The following PHTF2 variants were observed in gnomAD, a reference collection of about 807,000 sequenced individuals.
PHTF2 encodes the protein putative homeodomain transcription factor 2, also known as protein PHTF2.
A neutral mutation model predicts 101.2 loss-of-function variants in PHTF2; 60 were observed. The ratio of observed to expected loss-of-function variants is 0.59; its 90% CI spans 0.48 to 0.73. PHTF2 has a LOEUF of 0.73. Among genes scored for constraint, PHTF2 ranks in the 30% least tolerant of loss-of-function variants. PHTF2 has a pLI of 0.00. For synonymous variants in PHTF2, 311 were observed against 307.3 expected (o/e 1.01, Z -0.13); for missense variants, 747 against 908.7 (o/e 0.82, Z 2.29).
In PHTF2 at chr7:77,929,064, A is replaced by G. The variant is rs1356435908; in HGVS notation, c.1120-45A>G. 3 of 1,396,756 alleles carry G rather than the reference A, an allele frequency of 2.1e-6. No homozygotes were observed. The East Asian group carries it at 6.9e-5, about 32-fold the overall frequency. The allele number at this position is 1,396,756 out of a possible 1,614,324, so 86.5% of individuals were successfully genotyped here. ...TCTGATAGTATCCTTTGAGTTGGAA[A>G]GAGTACATAAATTGTATTAATGTCA... On this transcript the variant is annotated intron_variant, in intron 11 of 19. Transcript: ENST00000416283.
chr7:77,803,627 C>G (rs191396419), intron 1 of PHTF2, among the ~76,000 whole-genome samples: 1 of 151,406 alleles, frequency 6.6e-6, no homozygotes, highest in African/African-American at 2.4e-5. Flanking sequence ...TTGACATATT[C>G]TTGATTTCTA....
chr7:77,954,971 G>A (rs768377689), exon 20 of PHTF2: 7 of 635,016 alleles, frequency 1.1e-5, no homozygotes, highest in Admixed American at 2.9e-5. Flanking sequence ...TGCTTCAGGA[G>A]TCTCAGCTAG....
intron 3 of PHTF2, among the ~76,000 whole-genome samples, chr7:77,891,759 T>A (rs555034760): frequency 2.6e-5 from 4 of 152,132 alleles, no homozygotes; most frequent in South Asian, 2.1e-4. Context: ...GCTAATTTTT[T>A]AATTTTTTGT....
intron 7 of PHTF2, among the ~76,000 whole-genome samples, chr7:77,902,438 C>G (rs1801484846): frequency 6.6e-6 from 1 of 152,110 alleles, no homozygotes; most frequent in Non-Finnish European, 1.5e-5. Flanking sequence ...AGACGTGGGA[C>G]CTGAAAGACC....
intron 1 of PHTF2, among the ~76,000 whole-genome samples, chr7:77,812,654 A>G (rs1304148670): frequency 1.3e-5 from 2 of 151,888 alleles, no homozygotes; most frequent in Admixed American, 6.6e-5. Context: ...CAGTGGCACA[A>G]TCTTGGCTCA....
At chr7:77,932,621 A>AGAGAGTGTGTGTGTGTGTGTGTGT (rs759880633) in intron 12 of PHTF2, among the ~76,000 whole-genome samples, 2 of 118,476 alleles carry the variant, frequency 1.7e-5, no homozygotes, top group Admixed American at 8.6e-5. Flanking sequence ...AGAGAGAGAG[A>AGAGAGTGTGTGTGTGTGTGTGTGT]GTGTGTGTGT....
chr7:77,926,986 C>T (rs1291935833), intron 11 of PHTF2, among the ~76,000 whole-genome samples: 1 of 151,328 alleles, frequency 6.6e-6, no homozygotes, highest in Non-Finnish European at 1.5e-5. Flanking sequence ...GATAAAACCC[C>T]ATCTCTACTG....
chr7:77,916,063 T>C (rs199581891), intron 9 of PHTF2, among the ~76,000 whole-genome samples: 1 of 152,018 alleles, frequency 6.6e-6, no homozygotes, highest in East Asian at 1.9e-4. Context: ...ATTCCTAATA[T>C]CAGCTTCTTT....
chr7:77,834,181 GTACA>G (rs1795272303), intron 1 of PHTF2, among the ~76,000 whole-genome samples: 1 of 151,938 alleles, frequency 6.6e-6, no homozygotes, highest in Non-Finnish European at 1.5e-5. Flanking sequence ...AGGCATCATG[GTACA>G]TGCCTATAGT....
chr7:77,868,488 C>A (rs1798258991), intron 3 of PHTF2, among the ~76,000 whole-genome samples: 1 of 151,874 alleles, frequency 6.6e-6, no homozygotes, highest in African/African-American at 2.4e-5. Context: ...CTTTTTATTA[C>A]AATCATGAAT....
chr7:77,945,458 T>A (rs1805969990), intron 16 of PHTF2, among the ~76,000 whole-genome samples: 1 of 148,842 alleles, frequency 6.7e-6, no homozygotes, highest in South Asian at 2.1e-4. Flanking sequence ...TATAAAACTT[T>A]CCCATGTATT....
chr7:77,834,511 G>C (rs1047375634), intron 1 of PHTF2, among the ~76,000 whole-genome samples: 1 of 152,094 alleles, frequency 6.6e-6, no homozygotes, highest in African/African-American at 2.4e-5. Context: ...TTGCCCCCAG[G>C]CTTGGGTGTA....
chr7:77,864,225 TC>T (rs1322384247), intron 3 of PHTF2, among the ~76,000 whole-genome samples: 1 of 152,246 alleles, frequency 6.6e-6, no homozygotes, highest in Non-Finnish European at 1.5e-5. Context: ...GTAAATTTTT[TC>T]CTCTAGTCAC....
intron 2 of PHTF2, among the ~76,000 whole-genome samples, chr7:77,850,791 A>G (rs1384197822): frequency 1.3e-5 from 2 of 152,146 alleles, no homozygotes; most frequent in African/African-American, 2.4e-5. Context: ...GATACCAGCA[A>G]TGCATCCATC....
rs549035375 is a variant in PHTF2 at position 77,877,457 on chromosome 7, G to T, written c.148-16151G>T. Among the ~76,000 whole-genome samples the T allele has an allele frequency of 6.6e-5, 10 of 152,242 alleles. No individual in the cohort carries two copies. In the South Asian group the frequency reaches 1.2e-3, roughly 19 times the overall value. ...GGGTCTTCACAGTTCATCATCCAAG[G>T]TTAGGTTAAGTAGAAAAGCAGAAGT... On this transcript the variant is annotated intron_variant, in intron 3 of 19. Transcript: ENST00000416283.
intron 3 of PHTF2, among the ~76,000 whole-genome samples, chr7:77,889,498 G>A (rs963209469): frequency 1.3e-5 from 2 of 150,984 alleles, no homozygotes; most frequent in African/African-American, 2.4e-5. Flanking sequence ...GTTAACCAGC[G>A]TCCTCACAAA....
chr7:77,806,289 T>G (rs1407125942), intron 1 of PHTF2, among the ~76,000 whole-genome samples: 1 of 152,246 alleles, frequency 6.6e-6, no homozygotes, highest in Non-Finnish European at 1.5e-5. Context: ...AAATGTGGAC[T>G]TGCTGATTTC....
chr7:77,912,477 A>C (rs1275262654), intron 9 of PHTF2, among the ~76,000 whole-genome samples: 3 of 152,194 alleles, frequency 2.0e-5, no homozygotes, highest in Admixed American at 6.5e-5. Context: ...TTATCAACTT[A>C]TCAACTAAGA....
At chr7:77,862,194 T>G (rs935174724) in intron 3 of PHTF2, among the ~76,000 whole-genome samples, 3 of 152,210 alleles carry the variant, frequency 2.0e-5, no homozygotes, top group African/African-American at 7.2e-5. Flanking sequence ...ATAAAAGTAC[T>G]GAGTTCATAA....
Sources: allele counts gnomAD v4.1 joint callset (sites outside exome capture counted in the v4.1 genomes callset), GRCh38; gene constraint gnomAD v4.1.1; transcripts MANE v1.5; gene names NCBI Gene and HGNC (gene_info 2026-07-23, HGNC 2026-07-21).